EDIL3: variants seen among roughly 807,000 people sequenced by gnomAD.
EDIL3 encodes the protein EGF-like repeat and discoidin I-like domain-containing protein 3.
Under a neutral mutation model 67.4 loss-of-function variants are expected in EDIL3, and 37 were observed. The observed-to-expected ratio is 0.55, with a 90% CI of 0.42 to 0.72. The LOEUF (loss-of-function observed/expected upper bound fraction) is 0.72, where lower values mean the gene tolerates loss of function less well. EDIL3 is among the 30% of genes least tolerant of loss of function. EDIL3 has a pLI of 0.00. For missense variants in EDIL3, 527 were observed against 586.3 expected, an observed-to-expected ratio of 0.90 and a Z score of 1.04; for synonymous variants, 195 against 196.3, an observed-to-expected ratio of 0.99 and a Z score of 0.05.
At chr5:84,339,969 A>C (rs1747066408) in intron 1 of EDIL3, among the ~76,000 whole-genome samples, 1 of 152,124 alleles carries the variant, frequency 6.6e-6, no homozygotes, top group African/African-American at 2.4e-5. Flanking sequence ...ACAGCATTAA[A>C]AATAAAAACA....
At chr5:84,114,726 C>T (rs1462642880) in intron 5 of EDIL3, among the ~76,000 whole-genome samples, 1 of 152,154 alleles carries the variant, frequency 6.6e-6, no homozygotes, top group Admixed American at 6.5e-5. Context: ...CTGTTTCTTC[C>T]TATCAGATGG....
At chr5:84,281,954 C>G (rs948358944) in intron 1 of EDIL3, among the ~76,000 whole-genome samples, 3 of 148,666 alleles carry the variant, frequency 2.0e-5, no homozygotes, top group Non-Finnish European at 3.0e-5. Context: ...GCAACCTCTG[C>G]CTCCCGGATT....
chr5:84,279,385 A>G (rs2112105227), intron 1 of EDIL3, among the ~76,000 whole-genome samples: 1 of 152,304 alleles, frequency 6.6e-6, no homozygotes, highest in Admixed American at 6.5e-5. Flanking sequence ...GAGTCCTGCC[A>G]TCTAGATTAG....
At chr5:84,126,273 G>A (rs1747867957) in intron 5 of EDIL3, among the ~76,000 whole-genome samples, 1 of 151,980 alleles carries the variant, frequency 6.6e-6, no homozygotes, top group Non-Finnish European at 1.5e-5. Context: ...ATCTCCAAAA[G>A]CTTCATCTAC....
chr5:84,131,169 T>A lies in EDIL3; in HGVS notation c.469+6072A>T, dbSNP rs538110931. Among the ~76,000 whole-genome samples the A allele has an allele frequency of 5.3e-5, 8 of 152,282 alleles. No homozygotes were observed. The South Asian group carries it at 1.7e-3, about 32-fold the overall frequency. On this transcript the variant is annotated intron_variant, in intron 5 of 10. Transcript: ENST00000296591. ...TATGCAATTATTTCTTTATAACAGT[T>A]ATTGACCTAGGTGTTTTACTAGGTA...
chr5:84,088,198 C>T (rs1747104868), intron 6 of EDIL3, among the ~76,000 whole-genome samples: 1 of 152,156 alleles, frequency 6.6e-6, no homozygotes, highest in African/African-American at 2.4e-5. Flanking sequence ...ATAGTAGCTG[C>T]TCAACAAATA....
At chr5:84,168,514 T>C (rs542689559) in intron 4 of EDIL3, among the ~76,000 whole-genome samples, 1 of 152,132 alleles carries the variant, frequency 6.6e-6, no homozygotes, top group East Asian at 1.9e-4. Flanking sequence ...TGTTGAAAGA[T>C]AGAAAGAGTG....
At chr5:84,086,040 C>T (rs1747063046) in intron 6 of EDIL3, among the ~76,000 whole-genome samples, 1 of 152,178 alleles carries the variant, frequency 6.6e-6, no homozygotes, top group South Asian at 2.1e-4. Flanking sequence ...GGACTTCATT[C>T]AGGCTGCTGT....
At chr5:84,334,569 C>A (rs1368574930) in intron 1 of EDIL3, among the ~76,000 whole-genome samples, 3 of 152,004 alleles carry the variant, frequency 2.0e-5, no homozygotes, top group Non-Finnish European at 4.4e-5. Flanking sequence ...AGATACATAC[C>A]TATTGATGAC....
At chr5:84,255,353 T>G (rs1158843774) in intron 1 of EDIL3, among the ~76,000 whole-genome samples, 2 of 152,140 alleles carry the variant, frequency 1.3e-5, no homozygotes, top group Non-Finnish European at 2.9e-5. Context: ...TAAAAGGGCT[T>G]CTAGAGACCT....
intron 6 of EDIL3, among the ~76,000 whole-genome samples, chr5:84,105,527 T>A (rs1190418004): frequency 6.6e-6 from 1 of 152,040 alleles, no homozygotes; most frequent in Non-Finnish European, 1.5e-5. Flanking sequence ...ATAGTACACC[T>A]AATTATGTCA....
chr5:83,974,342 G>T (rs1744842498), intron 9 of EDIL3, among the ~76,000 whole-genome samples: 1 of 151,734 alleles, frequency 6.6e-6, no homozygotes, highest in African/African-American at 2.4e-5. Flanking sequence ...TCGAAAAACA[G>T]CCCAGGTCAG....
At chr5:84,161,046 G>C (rs1378414835) in intron 4 of EDIL3, among the ~76,000 whole-genome samples, 1 of 151,766 alleles carries the variant, frequency 6.6e-6, no homozygotes, top group Admixed American at 6.6e-5. Flanking sequence ...TTAAGCTTTT[G>C]TGTCCTCACA....
intron 4 of EDIL3, among the ~76,000 whole-genome samples, chr5:84,144,759 T>C (rs551675422): frequency 6.6e-6 from 1 of 152,276 alleles, no homozygotes; most frequent in African/African-American, 2.4e-5. Flanking sequence ...TTATTATTTA[T>C]ACAATTGCAT....
At chr5:84,029,259 A>G (rs1310238866) in intron 9 of EDIL3, among the ~76,000 whole-genome samples, 1 of 152,012 alleles carries the variant, frequency 6.6e-6, no homozygotes, top group Non-Finnish European at 1.5e-5. Context: ...CATCTCACAA[A>G]CAAAACAAAA....
intron 1 of EDIL3, among the ~76,000 whole-genome samples, chr5:84,342,652 T>G (rs1361507696): frequency 6.6e-6 from 1 of 152,080 alleles, no homozygotes; most frequent in African/African-American, 2.4e-5. Flanking sequence ...TCTTCATTAT[T>G]AAATGAGGAT....
chr5:84,226,238 C>A (rs1389803424), intron 3 of EDIL3, among the ~76,000 whole-genome samples: 2 of 151,380 alleles, frequency 1.3e-5, no homozygotes, highest in African/African-American at 4.8e-5. Context: ...AAAAGAGGAC[C>A]ACAAAAATAA....
At chr5:84,184,637 A>G (rs1580366240) in intron 3 of EDIL3, among the ~76,000 whole-genome samples, 1 of 152,154 alleles carries the variant, frequency 6.6e-6, no homozygotes, top group East Asian at 1.9e-4. Context: ...GAAGGGGAAA[A>G]GTATTGCTGC....
intron 10 of EDIL3, among the ~76,000 whole-genome samples, chr5:83,951,305 A>G (rs1455765862): frequency 6.6e-6 from 1 of 151,788 alleles, no homozygotes; most frequent in Non-Finnish European, 1.5e-5. Context: ...TTTCTATTGT[A>G]ACTATGTAAA....
Sources: gnomAD v4.1 joint callset for allele counts (sites outside exome capture counted in the v4.1 genomes callset) on GRCh38, gnomAD v4.1.1 for gene constraint, MANE v1.5 for transcripts, NCBI Gene and HGNC (gene_info 2026-07-23, HGNC 2026-07-21) for gene names.